DNER: variants seen among roughly 807,000 people sequenced by gnomAD.
The protein encoded by DNER is delta and Notch-like epidermal growth factor-related receptor.
A neutral mutation model predicts 78.2 loss-of-function variants in DNER; 33 were observed. The observed-to-expected ratio is 0.42, with a 90% CI of 0.32 to 0.56. The LOEUF (loss-of-function observed/expected upper bound fraction) is 0.56, where lower values mean the gene tolerates loss of function less well. Among genes scored for constraint, DNER ranks in the 20% least tolerant of loss-of-function variants. The probability of loss-of-function intolerance (pLI) is 0.11; values close to 1 mark genes in which losing one functional copy is unlikely to be tolerated. For missense variants in DNER, 918 were observed against 975.3 expected, an observed-to-expected ratio of 0.94 and a Z score of 0.78; for synonymous variants, 417 against 384.8, an observed-to-expected ratio of 1.08 and a Z score of -0.98.
rs7584259 is a variant in DNER, at chr2:229,543,482, A to G, written c.993+3465T>C. Among the ~76,000 whole-genome samples the G allele has an allele frequency of 9.6e-3, 1,460 of 152,332 alleles. 40 individuals carry two copies. The highest frequency in any genetic ancestry group is 0.033 in the African/African-American group (1,384 of 41,576). On this transcript the variant is annotated intron_variant, in intron 5 of 12. Transcript: ENST00000341772. ...TCTCCAGAAGGGCCACCCGTAATAA[A>G]AGAAAGCTCACAATGAATCTCACCA...
At chr2:229,640,236 G>A (rs974511069) in intron 1 of DNER, among the ~76,000 whole-genome samples, 2 of 152,222 alleles carry the variant, frequency 1.3e-5, no homozygotes, top group South Asian at 2.1e-4. Context: ...CAGCTCTATC[G>A]TGGCAGGCCT....
chr2:229,583,202 C>T (rs981923961), intron 4 of DNER, among the ~76,000 whole-genome samples: 1 of 152,228 alleles, frequency 6.6e-6, no homozygotes, highest in Non-Finnish European at 1.5e-5. Flanking sequence ...TATACAGATG[C>T]TCCTCAACTT....
intron 1 of DNER, among the ~76,000 whole-genome samples, chr2:229,622,459 G>A (rs72991672): frequency 0.021 from 3,233 of 152,230 alleles, 45 homozygotes; most frequent in Middle Eastern, 0.034. Context: ...ACTTAACCAA[G>A]CTTGAGTCTT....
intron 9 of DNER, among the ~76,000 whole-genome samples, chr2:229,410,041 A>C (rs1293550164): frequency 6.6e-6 from 1 of 150,892 alleles, no homozygotes; most frequent in Non-Finnish European, 1.5e-5. Context: ...CCTCCTCACC[A>C]CTCCCATTCC....
intron 1 of DNER, among the ~76,000 whole-genome samples, chr2:229,638,232 G>T (rs1001435584): frequency 1.1e-4 from 16 of 152,022 alleles, no homozygotes; most frequent in African/African-American, 3.9e-4. Flanking sequence ...AAATTTATGT[G>T]GAACCTCATA....
At chr2:229,456,965 CA>C (rs1694588219) in intron 7 of DNER, among the ~76,000 whole-genome samples, 1 of 151,758 alleles carries the variant, frequency 6.6e-6, no homozygotes, top group Non-Finnish European at 1.5e-5. Context: ...GTAAGATTGA[CA>C]GATGACTTGT....
At chr2:229,480,625 C>T (rs1441681053) in intron 6 of DNER, among the ~76,000 whole-genome samples, 1 of 152,116 alleles carries the variant, frequency 6.6e-6, no homozygotes, top group Non-Finnish European at 1.5e-5. Context: ...GGCTAATTTA[C>T]ATTTTTAATT....
At chr2:229,443,572 C>A (rs940011635) in intron 8 of DNER, among the ~76,000 whole-genome samples, 2 of 152,196 alleles carry the variant, frequency 1.3e-5, no homozygotes, top group Non-Finnish European at 2.9e-5. Flanking sequence ...GCCCGAAAAG[C>A]TACAAACGAA....
At chr2:229,362,240 C>A (rs1217824655) in intron 12 of DNER, among the ~76,000 whole-genome samples, 2 of 152,294 alleles carry the variant, frequency 1.3e-5, no homozygotes, top group African/African-American at 4.8e-5. Flanking sequence ...ATCATAACAA[C>A]CTCGTGAAGT....
intron 1 of DNER, among the ~76,000 whole-genome samples, chr2:229,703,438 T>C (rs1187261326): frequency 6.6e-6 from 1 of 152,076 alleles, no homozygotes; most frequent in Non-Finnish European, 1.5e-5. Flanking sequence ...CCTTAAATGA[T>C]ACATGAGAAA....
At chr2:229,632,635 T>C (rs558596232) in intron 1 of DNER, among the ~76,000 whole-genome samples, 5 of 152,244 alleles carry the variant, frequency 3.3e-5, no homozygotes, top group African/African-American at 9.6e-5. Context: ...GATAAGAACA[T>C]AAAGAAAGTT....
chr2:229,403,774 G>A lies in DNER; in HGVS notation c.1723+3458C>T, dbSNP rs147862081. ...TGTAGGGGTAAAGGGATGAGCAGAGGGGGGCTGAGAGGCAAGAGATGGAGG... is the reference window on the plus strand; with the variant it reads ...TGTAGGGGTAAAGGGATGAGCAGAGAGGGGCTGAGAGGCAAGAGATGGAGG... On this transcript the variant is annotated intron_variant, in intron 10 of 12. Coordinates refer to ENST00000341772, the MANE Select transcript of DNER (RefSeq NM_139072.4). Among the ~76,000 whole-genome samples, 378 of 152,074 alleles carry A rather than the reference G, an allele frequency of 2.5e-3. 1 individual carries two copies. The highest frequency in any genetic ancestry group is 6.8e-3 in the Middle Eastern group (2 of 294).
chr2:229,396,105 G>A (rs1693135216), intron 10 of DNER, among the ~76,000 whole-genome samples: 1 of 152,020 alleles, frequency 6.6e-6, no homozygotes, highest in Non-Finnish European at 1.5e-5. Flanking sequence ...CTGAAAACTG[G>A]CAAATAAAAA....
At chr2:229,684,130 G>GTGTGTA (rs1699436871) in intron 1 of DNER, among the ~76,000 whole-genome samples, 1 of 122,244 alleles carries the variant, frequency 8.2e-6, no homozygotes, top group East Asian at 2.4e-4. Flanking sequence ...GTGTTTGTGT[G>GTGTGTA]TGTGTCTGTG....
intron 7 of DNER, among the ~76,000 whole-genome samples, chr2:229,458,728 T>C (rs2154210760): frequency 6.6e-6 from 1 of 151,936 alleles, no homozygotes; most frequent in South Asian, 2.1e-4. Flanking sequence ...CAAGGATGTC[T>C]ACCCTCAGCA....
At position 229,377,834 on chromosome 2, in the gene DNER, G is replaced by A. The variant is rs146535294; in HGVS notation, c.1855+10431C>T. Among the ~76,000 whole-genome samples the A allele has an allele frequency of 8.9e-4, 136 of 152,282 alleles. 2 individuals carry two copies. Among genetic ancestry groups the A allele is most frequent in the East Asian group, 7.7e-4 (4 of 5,180 alleles). On this transcript the variant is annotated intron_variant, in intron 11 of 12. Transcript: ENST00000341772. ...ATGAGATACCATTGGTGGGTGGTAC[G>A]AAAGGCAGAATAAGGGTCTCCTGAA...
chr2:229,377,220 G>A (rs1218952379), intron 11 of DNER, among the ~76,000 whole-genome samples: 1 of 152,120 alleles, frequency 6.6e-6, no homozygotes, highest in Admixed American at 6.6e-5. Flanking sequence ...ATCTAAAATA[G>A]CCTATTTGCC....
intron 9 of DNER, among the ~76,000 whole-genome samples, chr2:229,413,124 C>T (rs1039605044): frequency 2.0e-5 from 3 of 152,120 alleles, no homozygotes; most frequent in African/African-American, 7.2e-5. Context: ...ATTCCCTTCT[C>T]ATTCCTAGCA....
At chr2:229,492,824 A>G (rs1048220066) in intron 6 of DNER, among the ~76,000 whole-genome samples, 4 of 151,060 alleles carry the variant, frequency 2.6e-5, no homozygotes, top group Middle Eastern at 3.4e-3. Flanking sequence ...ACATACCACC[A>G]TGCGCAGCTA....
Sources: allele counts gnomAD v4.1 joint callset (sites outside exome capture counted in the v4.1 genomes callset), GRCh38; gene constraint gnomAD v4.1.1; transcripts MANE v1.5; gene names NCBI Gene and HGNC (gene_info 2026-07-23, HGNC 2026-07-21).